ZBTB46: variants seen among roughly 807,000 people sequenced by gnomAD.
ZBTB46 encodes zinc finger and BTB domain-containing protein 46.
ZBTB46 carries 8 observed loss-of-function variants against 44.1 expected under a neutral mutation model. The ratio of observed to expected loss-of-function variants is 0.18; its 90% CI spans 0.11 to 0.33. The LOEUF (loss-of-function observed/expected upper bound fraction) is 0.33, where lower values mean the gene tolerates loss of function less well. Ranked by LOEUF, ZBTB46 falls within the 10% of genes least tolerant of loss-of-function variation. The pLI is 1.00. For synonymous variants in ZBTB46, 409 were observed against 382.3 expected, an observed-to-expected ratio of 1.07 and a Z score of -0.81; for missense variants, 651 against 847.7, an observed-to-expected ratio of 0.77 and a Z score of 2.88.
At chr20:63,827,601 C>T (rs1318484421) in intron 1 of ZBTB46, among the ~76,000 whole-genome samples, 2 of 138,240 alleles carry the variant, frequency 1.4e-5, no homozygotes, top group Non-Finnish European at 1.5e-5. Flanking sequence ...GGCGACAGAG[C>T]GAGACTCCGT....
chr20:63,766,205 CTTTTTTTTTTTT>C (rs10525501), intron 3 of ZBTB46, among the ~76,000 whole-genome samples: 3 of 81,702 alleles, frequency 3.7e-5, no homozygotes, highest in Non-Finnish European at 6.7e-5. Context: ...CTGAGAGATC[CTTTTTTTTTTTT>C]TTTTTTTTTT....
At chr20:63,755,667 G>A (rs982880912) in intron 3 of ZBTB46, among the ~76,000 whole-genome samples, 3 of 152,126 alleles carry the variant, frequency 2.0e-5, no homozygotes, top group African/African-American at 4.8e-5. Flanking sequence ...ATCATTGAGG[G>A]AATTTCACTG....
chr20:63,790,966 G>C, intron 1 of ZBTB46, 176 bp from the exon 2 acceptor site: 1 of 881,870 alleles, frequency 1.1e-6, no homozygotes. Context: ...CCTGAAGCAG[G>C]GCAGCAAACA....
At chr20:63,794,268 G>C (rs2092584165) in intron 1 of ZBTB46, among the ~76,000 whole-genome samples, 1 of 151,716 alleles carries the variant, frequency 6.6e-6, no homozygotes, top group Admixed American at 6.6e-5. Context: ...CTCGGCTCAC[G>C]GCAGCCTCCA....
Position 63,787,416 on chromosome 20 carries a change from G to A in ZBTB46, c.937+2405C>T, listed in dbSNP as rs897361690. Among the ~76,000 whole-genome samples, 15 of 152,314 alleles carry A rather than the reference G, an allele frequency of 9.8e-5. No individual in the cohort carries two copies. In the South Asian group the frequency reaches 1.0e-3, roughly 11 times the overall value. On this transcript the variant is annotated intron_variant, in intron 2 of 4. Transcript: ENST00000245663. This position sits in a 1 kb window ranked among gnomAD's most constrained non-coding sequence, Gnocchi z 4.6. ...CAGCCTTCATGTTCCCTCAGCACTC[G>A]CTCACCCAGGGCAACCTGCAGTGCA...
intron 2 of ZBTB46, among the ~76,000 whole-genome samples, chr20:63,778,619 G>A (rs890944848): frequency 3.3e-5 from 5 of 152,230 alleles, no homozygotes; most frequent in Admixed American, 6.5e-5. Context: ...CAGCCTGGCA[G>A]GAGCGGGTGG....
chr20:63,813,873 G>A (rs989019186), intron 1 of ZBTB46, among the ~76,000 whole-genome samples: 3 of 152,204 alleles, frequency 2.0e-5, no homozygotes, highest in Admixed American at 6.5e-5. Context: ...GCCCGGCTGC[G>A]TGTGAGCCAC....
At chr20:63,755,187 G>A (rs529563775) in intron 3 of ZBTB46, among the ~76,000 whole-genome samples, 2 of 152,358 alleles carry the variant, frequency 1.3e-5, no homozygotes, top group South Asian at 4.1e-4. Context: ...GAAGCTGCCT[G>A]CGATGCACTT....
chr20:63,764,426 G>A (rs1188582790), intron 3 of ZBTB46, among the ~76,000 whole-genome samples: 2 of 150,838 alleles, frequency 1.3e-5, no homozygotes, highest in African/African-American at 2.5e-5. Context: ...ACTGAGCGAG[G>A]CCCTGTCTCA....
intron 1 of ZBTB46, among the ~76,000 whole-genome samples, chr20:63,813,186 C>T (rs2092727456): frequency 6.6e-6 from 1 of 152,156 alleles, no homozygotes; most frequent in Non-Finnish European, 1.5e-5. Flanking sequence ...CGGTGGCTCA[C>T]ACCTGTAATC....
At chr20:63,814,529 A>G (rs2092737050) in intron 1 of ZBTB46, among the ~76,000 whole-genome samples, 1 of 152,174 alleles carries the variant, frequency 6.6e-6, no homozygotes, top group Non-Finnish European at 1.5e-5. Context: ...CCACCCCTCA[A>G]CAGGAGGCCC....
rs2092849546 is a variant in ZBTB46, at chr20:63,831,218, G to A, written c.-155C>T. 1 of 142,340 alleles carries A rather than the reference G, an allele frequency of 7.0e-6. No homozygotes were observed. The highest frequency in any genetic ancestry group is 6.9e-5 in the Admixed American group (1 of 14,512). 8.8% of individuals were successfully genotyped at this position (142,340 alleles called of 1,614,324 possible). A position where few individuals can be genotyped will look rare whatever the true frequency, so the allele number is the denominator to read the frequency against. ...GGGTCCGAGCTGCGCGCTCGCCGGG[G>A]CTGCTCGGTCCGTCCGTCCGTCCGT... is the stretch of plus-strand genomic sequence containing the variant. On this transcript the variant is annotated 5_prime_UTR_variant, in exon 1 of 5. Transcript: ENST00000245663.
intron 3 of ZBTB46, among the ~76,000 whole-genome samples, chr20:63,759,703 T>C (rs1372943324): frequency 6.6e-6 from 1 of 152,190 alleles, no homozygotes; most frequent in Non-Finnish European, 1.5e-5. Flanking sequence ...GTGGTGACGA[T>C]GGGCGTCTGT....
chr20:63,786,723 G>C (rs183395906), intron 2 of ZBTB46, among the ~76,000 whole-genome samples: 60 of 152,204 alleles, frequency 3.9e-4, no homozygotes, highest in Non-Finnish European at 5.6e-4. Context: ...TGTTGGCCAC[G>C]ATGGTCTCGA....
At chr20:63,828,882 T>C (rs907074285) in intron 1 of ZBTB46, among the ~76,000 whole-genome samples, 1 of 152,212 alleles carries the variant, frequency 6.6e-6, no homozygotes, top group Non-Finnish European at 1.5e-5. Flanking sequence ...GGCTAAGACC[T>C]CTGATGGAGA....
rs1250470960 is a variant in ZBTB46, at chr20:63,745,776, G to C, written c.*1154C>G. 2 of 152,356 alleles carry C rather than the reference G, an allele frequency of 1.3e-5. No individual in the cohort carries two copies. Among genetic ancestry groups the C allele is most frequent in the East Asian group, 3.8e-4 (2 of 5,304 alleles). 9.4% of individuals were successfully genotyped at this position (152,356 alleles called of 1,614,324 possible). On this transcript the variant is annotated 3_prime_UTR_variant, in exon 5 of 5. Coordinates refer to ENST00000245663, the MANE Select transcript of ZBTB46 (RefSeq NM_001369741.1). ...CCTGCCTCCGGGACCCCCAAAGCCA[G>C]GCGGTGCACCACAGCACACACCGTG... is the stretch of plus-strand genomic sequence containing the variant.
At chr20:63,759,730 C>G (rs2092257027) in intron 3 of ZBTB46, among the ~76,000 whole-genome samples, 1 of 152,148 alleles carries the variant, frequency 6.6e-6, no homozygotes, top group South Asian at 2.1e-4. Flanking sequence ...TTCCCGTGCT[C>G]AGAGGCTAAG....
At chr20:63,813,406 G>T (rs1279000074) in intron 1 of ZBTB46, among the ~76,000 whole-genome samples, 3 of 149,352 alleles carry the variant, frequency 2.0e-5, no homozygotes, top group Non-Finnish European at 3.0e-5. Context: ...CTGAGACTGT[G>T]CCACTATACT....
chr20:63,753,251 G>C (rs2281928), intron 3 of ZBTB46, among the ~76,000 whole-genome samples: 92,519 of 152,094 alleles, frequency 0.61, 28,440 homozygotes, highest in South Asian at 0.76. Flanking sequence ...CCCTGGGCGT[G>C]GTGTCCGATC....
Sources: allele counts gnomAD v4.1 joint callset (sites outside exome capture counted in the v4.1 genomes callset), GRCh38; gene constraint gnomAD v4.1.1; non-coding constraint Gnocchi (gnomAD v3.1); transcripts MANE v1.5; gene names NCBI Gene and HGNC (gene_info 2026-07-23, HGNC 2026-07-21).